Variants in CDKAL1 observed in about 807,000 individuals in gnomAD.
CDKAL1 encodes the protein CDKAL1 threonylcarbamoyladenosine tRNA methylthiotransferase.
A neutral mutation model predicts 68.2 loss-of-function variants in CDKAL1; 32 were observed. That is an observed-to-expected ratio of 0.47 (90% CI 0.35 to 0.63). The LOEUF is 0.63. Ranked by LOEUF, CDKAL1 falls within the 30% of genes least tolerant of loss-of-function variation. The pLI is 0.00. For missense variants in CDKAL1, 606 were observed against 696.7 expected, an observed-to-expected ratio of 0.87 and a Z score of 1.47; for synonymous variants, 234 against 244.3, an observed-to-expected ratio of 0.96 and a Z score of 0.39.
At chr6:20,908,927 G>A (rs968822709) in intron 9 of CDKAL1, among the ~76,000 whole-genome samples, 3 of 152,264 alleles carry the variant, frequency 2.0e-5, no homozygotes, top group Admixed American at 6.5e-5. Context: ...AACCCTAGAA[G>A]TTGCATCCTT....
intron 9 of CDKAL1, among the ~76,000 whole-genome samples, chr6:20,928,274 T>C (rs1561891355): frequency 6.6e-6 from 1 of 152,200 alleles, no homozygotes; most frequent in East Asian, 1.9e-4. Flanking sequence ...TTGCAAGTAA[T>C]TGTTCAATAG....
intron 5 of CDKAL1, among the ~76,000 whole-genome samples, chr6:20,663,232 G>GTT (rs34470647): frequency 0.39 from 59,260 of 150,466 alleles, 12,710 homozygotes; most frequent in African/African-American, 0.58. Context: ...GAAATGTAGT[G>GTT]TTTTTTTTTC....
intron 10 of CDKAL1, among the ~76,000 whole-genome samples, chr6:20,974,978 C>CAAAAAAAAAAAAAAA (rs11330322): frequency 1.6e-5 from 1 of 62,914 alleles, no homozygotes; most frequent in Non-Finnish European, 2.9e-5. Context: ...GACCCTATCT[C>CAAAAAAAAAAAAAAA]AAAAAAAAAA....
At chr6:20,587,919 G>A (rs1765442793) in intron 4 of CDKAL1, among the ~76,000 whole-genome samples, 1 of 152,008 alleles carries the variant, frequency 6.6e-6, no homozygotes, top group South Asian at 2.1e-4. Context: ...AACATAGCGA[G>A]ACCCTGTTTC....
intron 13 of CDKAL1, among the ~76,000 whole-genome samples, chr6:21,192,038 G>A (rs1381266366): frequency 6.7e-4 from 38 of 56,734 alleles, no homozygotes; most frequent in African/African-American, 2.2e-3. Context: ...TTTTTGAGAC[G>A]GAGTCTCGCT....
At chr6:20,850,367 G>T (rs1758942077) in intron 9 of CDKAL1, among the ~76,000 whole-genome samples, 3 of 152,060 alleles carry the variant, frequency 2.0e-5, no homozygotes. Context: ...GTGGAATGAG[G>T]ATTAGAACCC....
chr6:20,747,494 G>A (rs867769630), intron 6 of CDKAL1, among the ~76,000 whole-genome samples: 19 of 152,220 alleles, frequency 1.2e-4, no homozygotes, highest in Admixed American at 9.8e-4. Context: ...GCTGACACTC[G>A]TTATTTATTG....
At chr6:20,624,225 G>T (rs1170959703) in intron 4 of CDKAL1, among the ~76,000 whole-genome samples, 1 of 152,012 alleles carries the variant, frequency 6.6e-6, no homozygotes, top group African/African-American at 2.4e-5. Flanking sequence ...TAGGTAGTCA[G>T]TTCTTGGTAG....
chr6:20,586,979 T>TC (rs1765386982), intron 4 of CDKAL1, among the ~76,000 whole-genome samples: 1 of 30,508 alleles, frequency 3.3e-5, no homozygotes, highest in Non-Finnish European at 7.4e-5. Flanking sequence ...CCTCCAGGTG[T>TC]TTTTTTTTTT....
At chr6:20,999,580 T>G (rs1767308254) in intron 10 of CDKAL1, among the ~76,000 whole-genome samples, 1 of 148,228 alleles carries the variant, frequency 6.7e-6, no homozygotes, top group African/African-American at 2.5e-5. Flanking sequence ...AGTTAGTAGG[T>G]GCCCAGTGGT....
At chr6:21,091,453 G>A (rs1772999620) in intron 12 of CDKAL1, among the ~76,000 whole-genome samples, 1 of 152,164 alleles carries the variant, frequency 6.6e-6, no homozygotes, top group African/African-American at 2.4e-5. Flanking sequence ...GGAAATGAGG[G>A]CACTAACATA....
chr6:21,081,572 C>CT (rs201718303), intron 12 of CDKAL1, among the ~76,000 whole-genome samples: 2,422 of 137,434 alleles, frequency 0.018, 78 homozygotes, highest in African/African-American at 0.055. Flanking sequence ...AATGATATAT[C>CT]TTTTTTTTTT....
chr6:21,203,821 C>T (rs1382981822), intron 15 of CDKAL1, among the ~76,000 whole-genome samples: 6 of 151,156 alleles, frequency 4.0e-5, no homozygotes, highest in African/African-American at 9.7e-5. Context: ...CTCAGCCTCC[C>T]GAGTAGCTGG....
At chr6:21,048,782 A>T (rs1002848284) in intron 11 of CDKAL1, among the ~76,000 whole-genome samples, 3 of 151,978 alleles carry the variant, frequency 2.0e-5, no homozygotes, top group African/African-American at 7.2e-5. Flanking sequence ...CCATTAAAGA[A>T]TGCCATGATC....
chr6:20,783,846 C>T (rs1237292923), intron 8 of CDKAL1, among the ~76,000 whole-genome samples: 1 of 152,172 alleles, frequency 6.6e-6, no homozygotes, highest in East Asian at 1.9e-4. Context: ...AATTGTCCCT[C>T]GGTATCTGTA....
At chr6:21,181,519 G>A (rs895057784) in intron 13 of CDKAL1, among the ~76,000 whole-genome samples, 2 of 152,140 alleles carry the variant, frequency 1.3e-5, no homozygotes, top group African/African-American at 2.4e-5. Flanking sequence ...AGGCCCTCAC[G>A]AGGCACTGGC....
At chr6:21,006,320 G>A (rs1030583090) in intron 11 of CDKAL1, among the ~76,000 whole-genome samples, 3 of 152,054 alleles carry the variant, frequency 2.0e-5, no homozygotes, top group Non-Finnish European at 2.9e-5. Context: ...AAAAAAGAAT[G>A]ATTCAGCAAG....
intron 6 of CDKAL1, among the ~76,000 whole-genome samples, chr6:20,742,258 ATT>A (rs1455589875): frequency 6.6e-6 from 1 of 151,748 alleles, no homozygotes; most frequent in Non-Finnish European, 1.5e-5. Context: ...CATTCTGTAC[ATT>A]GTCTGTTTAC....
chr6:20,924,431 A>T lies in CDKAL1; in HGVS notation c.743-30988A>T, dbSNP rs2150658926. On this transcript the variant is annotated intron_variant, in intron 9 of 15. Transcript: ENST00000274695. ...CGGCAGGCTGAAAGCTGGGTCTCTTATACCGTTGGGTCATGTTGTGAATGC... is the reference window on the plus strand; with the variant it reads ...CGGCAGGCTGAAAGCTGGGTCTCTTTTACCGTTGGGTCATGTTGTGAATGC... Among the ~76,000 whole-genome samples, 3 of 151,984 alleles carry T rather than the reference A, an allele frequency of 2.0e-5. No homozygotes were observed. The South Asian group carries it at 6.2e-4, about 32-fold the overall frequency.
Sources: allele counts gnomAD v4.1 joint callset (sites outside exome capture counted in the v4.1 genomes callset), GRCh38; gene constraint gnomAD v4.1.1; transcripts MANE v1.5; gene names NCBI Gene and HGNC (gene_info 2026-07-23, HGNC 2026-07-21).